The following TENM2 variants were observed in gnomAD, a reference collection of about 807,000 sequenced individuals.
TENM2 encodes teneurin transmembrane protein 2.
TENM2 carries 52 observed loss-of-function variants against 245.2 expected under a neutral mutation model. That is an observed-to-expected ratio of 0.21 (90% CI 0.17 to 0.27). The LOEUF is 0.27. Ranked by LOEUF, TENM2 falls within the 10% of genes least tolerant of loss-of-function variation. TENM2 has a pLI of 1.00. For synonymous variants in TENM2, 1,363 were observed against 1,438.9 expected (o/e 0.95, Z 1.19); for missense variants, 3,046 against 3,666.8 (o/e 0.83, Z 4.37).
Position 167,702,540 on chromosome 5 carries a change from A to G in TENM2, c.503-173446A>G, listed in dbSNP as rs10071785. Among the ~76,000 whole-genome samples the G allele has an allele frequency of 6.4e-3, 785 of 123,270 alleles. 11 individuals carry two copies. The highest frequency in any genetic ancestry group is 0.022 in the African/African-American group (637 of 29,242). 80.9% of individuals were successfully genotyped at this position (123,270 alleles called of 152,430 possible). A position where few individuals can be genotyped will look rare whatever the true frequency, so the allele number is the denominator to read the frequency against. ...GGCTAATTTATATATGTATGTATGT[A>G]TGTGTGTGTGTGTATATATATATAT... On this transcript the variant is annotated intron_variant, in intron 2 of 28. Transcript: ENST00000518659.
intron 2 of TENM2, among the ~76,000 whole-genome samples, chr5:167,405,182 T>G (rs375790113): frequency 9.9e-5 from 15 of 152,284 alleles, no homozygotes; most frequent in African/African-American, 3.1e-4. Flanking sequence ...TTTTTTTCAT[T>G]CATCAGTTGA....
At chr5:167,036,222 G>A in the TENM2 span, among the ~76,000 whole-genome samples, 5 of 152,164 alleles carry the variant, frequency 3.3e-5, no homozygotes, top group Non-Finnish European at 7.3e-5. Context: ...CAAGAGAAAA[G>A]CAAGTGCCAG....
At chr5:167,101,851 A>ATATATATATATATATATATATATATT in the TENM2 span, among the ~76,000 whole-genome samples, 2 of 107,798 alleles carry the variant, frequency 1.9e-5, no homozygotes, top group East Asian at 2.6e-4. Context: ...ATATATATTT[A>ATATATATATATATATATATATATATT]TATATATATA....
chr5:167,896,781 T>A (rs1428569118), intron 3 of TENM2, among the ~76,000 whole-genome samples: 1 of 152,174 alleles, frequency 6.6e-6, no homozygotes, highest in East Asian at 1.9e-4. Flanking sequence ...TTATGGATAT[T>A]TTTACAGATG....
intron 7 of TENM2, among the ~76,000 whole-genome samples, chr5:168,085,877 C>T (rs1792409092): frequency 6.6e-6 from 1 of 152,224 alleles, no homozygotes; most frequent in African/African-American, 2.4e-5. Flanking sequence ...CGTGCCCTGC[C>T]ATCTGAGGTA....
At chr5:167,346,775 AT>A (rs578155434) in intron 1 of TENM2, among the ~76,000 whole-genome samples, 158 of 146,820 alleles carry the variant, frequency 1.1e-3, no homozygotes, top group Middle Eastern at 3.7e-3. Flanking sequence ...AGCCCCAACT[AT>A]TTTTTTTTTT....
intron 2 of TENM2, among the ~76,000 whole-genome samples, chr5:167,744,300 C>T (rs1761406194): frequency 6.6e-6 from 1 of 152,194 alleles, no homozygotes; most frequent in African/African-American, 2.4e-5. Flanking sequence ...CCCCATCCTT[C>T]CTCACTGCTG....
chr5:167,120,827 T>G, the TENM2 span, among the ~76,000 whole-genome samples: 1 of 152,212 alleles, frequency 6.6e-6, no homozygotes, highest in East Asian at 1.9e-4. Context: ...CTTGGAGTGT[T>G]GTGTTAATAA....
chr5:168,019,867 G>A (rs1032666266), intron 5 of TENM2, among the ~76,000 whole-genome samples: 2 of 152,162 alleles, frequency 1.3e-5, no homozygotes, highest in African/African-American at 4.8e-5. Context: ...GGAAAGAAAA[G>A]GCTTTAAAAG....
At chr5:168,063,457 C>A (rs1419784877) in intron 7 of TENM2, among the ~76,000 whole-genome samples, 3 of 152,040 alleles carry the variant, frequency 2.0e-5, no homozygotes, top group African/African-American at 4.8e-5. Context: ...TGTGAAAAAA[C>A]CAGTGGGTTT....
the TENM2 span, among the ~76,000 whole-genome samples, chr5:167,134,433 TCTAA>T: frequency 0.018 from 2,799 of 152,328 alleles, 84 homozygotes; most frequent in African/African-American, 0.063. Context: ...GAATGACTTC[TCTAA>T]CTAGGCGATT....
At chr5:168,166,176 A>G (rs1217767290) in intron 13 of TENM2, among the ~76,000 whole-genome samples, 3 of 152,150 alleles carry the variant, frequency 2.0e-5, no homozygotes, top group African/African-American at 4.8e-5. Context: ...ATGTGAGTTT[A>G]TAAACCTGGC....
At chr5:167,870,747 A>T (rs1772761336) in intron 2 of TENM2, among the ~76,000 whole-genome samples, 2 of 150,942 alleles carry the variant, frequency 1.3e-5, no homozygotes, top group African/African-American at 4.9e-5. Context: ...AGGTCATTGA[A>T]CTTATTATTT....
Position 167,709,229 on chromosome 5 carries a change from A to G in TENM2, c.503-166757A>G, listed in dbSNP as rs11958059. Among the ~76,000 whole-genome samples, 584 of 152,276 alleles carry G rather than the reference A, an allele frequency of 3.8e-3. 4 individuals are homozygous for G. The highest frequency in any genetic ancestry group is 0.013 in the African/African-American group (548 of 41,554). On this transcript the variant is annotated intron_variant, in intron 2 of 28. Coordinates refer to ENST00000518659, the Ensembl canonical transcript of TENM2. ...GTCCTGTCTTTTCCAAGCTGAGTTC[A>G]CTGCGTGGTCTTCTCTTATCCCCGG...
At chr5:167,977,956 C>A (rs1195979335) in intron 4 of TENM2, among the ~76,000 whole-genome samples, 1 of 152,098 alleles carries the variant, frequency 6.6e-6, no homozygotes, top group African/African-American at 2.4e-5. Flanking sequence ...GTGCCTTCCT[C>A]CCGGTAATGA....
At chr5:167,373,415 C>T (rs760939344) in intron 1 of TENM2, among the ~76,000 whole-genome samples, 6 of 152,122 alleles carry the variant, frequency 3.9e-5, no homozygotes, top group Non-Finnish European at 7.3e-5. Flanking sequence ...AATAGATATA[C>T]GTAGAGTGGG....
In TENM2 at chr5:167,920,556, C is replaced by CACAA. The variant is rs1191230465; in HGVS notation, c.713-32031_713-32030insCAAA. Among the ~76,000 whole-genome samples, 328 of 148,430 alleles carry CACAA rather than the reference C, an allele frequency of 2.2e-3. 9 individuals are homozygous for CACAA. In the East Asian group the frequency reaches 0.055, roughly 25 times the overall value. On this transcript the variant is annotated intron_variant, in intron 3 of 28. Transcript: ENST00000518659. ...ACACACACACACACACACACACACA[C>CACAA]AAATAGCATGGGCAAGGTACTATTG...
At chr5:167,200,526 A>G in the TENM2 span, among the ~76,000 whole-genome samples, 1 of 152,082 alleles carries the variant, frequency 6.6e-6, no homozygotes, top group Non-Finnish European at 1.5e-5. Flanking sequence ...AACTTGGAAA[A>G]GAAGTGGGAG....
At chr5:167,556,464 G>A (rs1346609298) in intron 2 of TENM2, among the ~76,000 whole-genome samples, 11 of 151,052 alleles carry the variant, frequency 7.3e-5, no homozygotes, top group East Asian at 5.9e-4. Flanking sequence ...AAAATTCAGC[G>A]TGTACGTTTG....
Sources: allele counts gnomAD v4.1 joint callset (sites outside exome capture counted in the v4.1 genomes callset), GRCh38; gene constraint gnomAD v4.1.1; transcripts MANE v1.5; gene names NCBI Gene and HGNC (gene_info 2026-07-23, HGNC 2026-07-21).